Variants in HS6ST3 observed in about 807,000 individuals in gnomAD.
The protein encoded by HS6ST3 is heparan sulfate 6-O-sulfotransferase 3.
In HS6ST3, 12 loss-of-function variants were observed where a neutral mutation model predicts 36.7. That is an observed-to-expected ratio of 0.33 (90% confidence interval 0.21 to 0.53). The LOEUF is 0.53. Ranked by LOEUF, HS6ST3 falls within the 20% of genes least tolerant of loss-of-function variation. HS6ST3 has a pLI of 0.95. For synonymous variants in HS6ST3, 240 were observed against 257.5 expected, an observed-to-expected ratio of 0.93 and a Z score of 0.65; for missense variants, 584 against 640.9, an observed-to-expected ratio of 0.91 and a Z score of 0.96.
chr13:96,445,009 A>C (rs1339877512), intron 1 of HS6ST3, among the ~76,000 whole-genome samples: 1 of 152,140 alleles, frequency 6.6e-6, no homozygotes, highest in African/African-American at 2.4e-5. Context: ...GAAATTGTTA[A>C]AAAAAATGGG....
chr13:96,802,514 C>T (rs1878101761), intron 1 of HS6ST3, among the ~76,000 whole-genome samples: 1 of 152,128 alleles, frequency 6.6e-6, no homozygotes, highest in South Asian at 2.1e-4. Context: ...TGGCAAAAGC[C>T]TTAAACATGC....
intron 1 of HS6ST3, among the ~76,000 whole-genome samples, chr13:96,168,595 T>G (rs2139332930): frequency 6.6e-6 from 1 of 151,192 alleles, no homozygotes; most frequent in African/African-American, 2.4e-5. Flanking sequence ...TCCCAGCTAC[T>G]CAGGAGGCTA....
chr13:96,415,994 T>C (rs1244603488), intron 1 of HS6ST3, among the ~76,000 whole-genome samples: 1 of 152,204 alleles, frequency 6.6e-6, no homozygotes, highest in Non-Finnish European at 1.5e-5. Context: ...GTGGCAGTCA[T>C]CATTTGGGGC....
At chr13:96,618,825 T>C (rs747388983) in intron 1 of HS6ST3, among the ~76,000 whole-genome samples, 3 of 152,190 alleles carry the variant, frequency 2.0e-5, no homozygotes, top group Non-Finnish European at 2.9e-5. Flanking sequence ...GATGGACCCA[T>C]AGTACACATT....
intron 1 of HS6ST3, among the ~76,000 whole-genome samples, chr13:96,432,131 G>T (rs1056211708): frequency 1.3e-5 from 2 of 151,990 alleles, no homozygotes; most frequent in African/African-American, 4.8e-5. Context: ...CTTTACTTTT[G>T]GAACTAAAAT....
chr13:96,514,727 G>A (rs372750345), intron 1 of HS6ST3, among the ~76,000 whole-genome samples: 112 of 152,352 alleles, frequency 7.4e-4, no homozygotes, highest in African/African-American at 2.6e-3. Flanking sequence ...CTGCCAGTCT[G>A]TGGTATTTGT....
At chr13:96,741,244 G>A (rs763179010) in intron 1 of HS6ST3, among the ~76,000 whole-genome samples, 9 of 152,048 alleles carry the variant, frequency 5.9e-5, no homozygotes, top group South Asian at 2.1e-4. Context: ...TCACAATCCC[G>A]AAGATTCCCT....
At chr13:96,762,073 T>A (rs1008640593) in intron 1 of HS6ST3, among the ~76,000 whole-genome samples, 1 of 152,026 alleles carries the variant, frequency 6.6e-6, no homozygotes, top group African/African-American at 2.4e-5. Context: ...TATATACACA[T>A]ATACGTATAT....
chr13:96,776,807 T>A lies in HS6ST3; in HGVS notation c.708-55683T>A, dbSNP rs572188881. Among the ~76,000 whole-genome samples, 69 of 152,080 alleles carry A rather than the reference T, an allele frequency of 4.5e-4. No homozygotes were observed. In the South Asian group the frequency reaches 0.014, roughly 30 times the overall value. The stretch of plus-strand genomic sequence containing the variant: ...TTCCTTCTGAAACTATTCCAAACAA[T>A]AGAAACAGACAGACTCCTCCCTAAC... On this transcript the variant is annotated intron_variant, in intron 1 of 1. Coordinates refer to ENST00000376705, the MANE Select transcript of HS6ST3 (RefSeq NM_153456.4).
chr13:96,322,594 A>T (rs2055009846), intron 1 of HS6ST3, among the ~76,000 whole-genome samples: 1 of 151,780 alleles, frequency 6.6e-6, no homozygotes, highest in Admixed American at 6.6e-5. Context: ...ATTTTAAAGT[A>T]AAATAAAATA....
intron 1 of HS6ST3, among the ~76,000 whole-genome samples, chr13:96,372,864 G>C (rs2055296506): frequency 6.6e-6 from 1 of 151,888 alleles, no homozygotes; most frequent in Non-Finnish European, 1.5e-5. Context: ...TTTAGAATTT[G>C]GATTTTTTAA....
intron 1 of HS6ST3, among the ~76,000 whole-genome samples, chr13:96,420,984 A>G (rs1372031195): frequency 6.6e-6 from 1 of 151,776 alleles, no homozygotes; most frequent in East Asian, 1.9e-4. Flanking sequence ...TTTTTCTTCT[A>G]CTCTTATGAA....
intron 1 of HS6ST3, among the ~76,000 whole-genome samples, chr13:96,683,430 C>T (rs968194477): frequency 6.6e-6 from 1 of 152,016 alleles, no homozygotes; most frequent in African/African-American, 2.4e-5. Flanking sequence ...GCAGTCTCTT[C>T]TTTTTATCGT....
In HS6ST3 at chr13:96,157,308, G is replaced by T. The variant is rs1054684019; in HGVS notation, c.707+65739G>T. ...TTCAGTGGGATAATGAAATTACAGA[G>T]ATTTTAATTCCCTAAAGTTTAGAAA... On this transcript the variant is annotated intron_variant, in intron 1 of 1. Coordinates refer to ENST00000376705, the MANE Select transcript of HS6ST3 (RefSeq NM_153456.4). 2.0e-5 allele frequency among the ~76,000 whole-genome samples: 3 copies of T among 152,242 alleles called. No homozygotes were observed. The South Asian group carries it at 6.2e-4, about 32-fold the overall frequency.
chr13:96,370,789 C>T (rs998460884), intron 1 of HS6ST3, among the ~76,000 whole-genome samples: 12 of 151,998 alleles, frequency 7.9e-5, no homozygotes, highest in Non-Finnish European at 1.2e-4. Flanking sequence ...GTAGGCTACT[C>T]GGGAGGCTGG....
At chr13:96,446,212 G>A (rs752736279) in intron 1 of HS6ST3, among the ~76,000 whole-genome samples, 6 of 151,420 alleles carry the variant, frequency 4.0e-5, no homozygotes, top group African/African-American at 7.3e-5. Context: ...AAAATATTTC[G>A]TTTATGGAAT....
intron 1 of HS6ST3, among the ~76,000 whole-genome samples, chr13:96,826,764 G>T (rs1287473729): frequency 6.6e-6 from 1 of 152,190 alleles, no homozygotes; most frequent in Non-Finnish European, 1.5e-5. Flanking sequence ...TACTAAAAGT[G>T]GTTTGAAACC....
At chr13:96,697,108 C>A (rs1875150244) in intron 1 of HS6ST3, among the ~76,000 whole-genome samples, 1 of 150,990 alleles carries the variant, frequency 6.6e-6, no homozygotes, top group African/African-American at 2.4e-5. Context: ...AAACAAGATG[C>A]CATGAACAAG....
At chr13:96,140,508 A>G (rs1389937091) in intron 1 of HS6ST3, among the ~76,000 whole-genome samples, 1 of 152,190 alleles carries the variant, frequency 6.6e-6, no homozygotes, top group Non-Finnish European at 1.5e-5. Flanking sequence ...TAATGGCACT[A>G]GTGATGCTGG....
Sources: gnomAD v4.1 joint callset for allele counts (sites outside exome capture counted in the v4.1 genomes callset) on GRCh38, gnomAD v4.1.1 for gene constraint, MANE v1.5 for transcripts, NCBI Gene and HGNC (gene_info 2026-07-23, HGNC 2026-07-21) for gene names.